Variants in HRH1 observed in about 807,000 individuals in gnomAD.
HRH1 encodes the protein histamine H1 receptor.
In HRH1, 6 loss-of-function variants were observed where a neutral mutation model predicts 10.3. That is an observed-to-expected ratio of 0.58 (90% confidence interval 0.32 to 1.15). The LOEUF (loss-of-function observed/expected upper bound fraction) is 1.15, where lower values mean the gene tolerates loss of function less well. HRH1 is among the 50% of genes most tolerant of loss of function. The probability of loss-of-function intolerance (pLI) is 0.05; values close to 1 mark genes in which losing one functional copy is unlikely to be tolerated. For synonymous variants in HRH1, 242 were observed against 236.7 expected (o/e 1.02, Z -0.21); for missense variants, 514 against 615.3 (o/e 0.84, Z 1.74).
At chr3:11,155,806 A>G (rs1936775079) in intron 1 of HRH1, among the ~76,000 whole-genome samples, 1 of 152,214 alleles carries the variant, frequency 6.6e-6, no homozygotes. Context: ...GGAGGCAGCC[A>G]GAAACCAGCA....
At chr3:11,244,566 T>C (rs904064688) in intron 1 of HRH1, among the ~76,000 whole-genome samples, 2 of 152,240 alleles carry the variant, frequency 1.3e-5, no homozygotes, top group Non-Finnish European at 2.9e-5. Flanking sequence ...ACCTCATGTA[T>C]GCCAGACACT....
At chr3:11,244,102 A>G (rs941303210) in intron 1 of HRH1, among the ~76,000 whole-genome samples, 3 of 152,120 alleles carry the variant, frequency 2.0e-5, no homozygotes, top group African/African-American at 7.2e-5. Context: ...ATCATCAGGG[A>G]CCTCAAGTCT....
At chr3:11,232,749 A>T (rs1229455689) in intron 1 of HRH1, among the ~76,000 whole-genome samples, 3 of 152,162 alleles carry the variant, frequency 2.0e-5, no homozygotes, top group Admixed American at 6.5e-5. Context: ...CTCTGTTGAG[A>T]CTTCCGATCC....
chr3:11,251,196 A>G (rs1294877226), intron 1 of HRH1, among the ~76,000 whole-genome samples: 1 of 152,212 alleles, frequency 6.6e-6, no homozygotes, highest in East Asian at 1.9e-4. Context: ...CCACTTGGTC[A>G]GCTAGATTAT....
chr3:11,240,389 G>A (rs751498474), intron 1 of HRH1, among the ~76,000 whole-genome samples: 11 of 152,086 alleles, frequency 7.2e-5, no homozygotes, highest in Admixed American at 2.0e-4. Context: ...AAAACAGGCA[G>A]ATCTGAGTCT....
chr3:11,183,019 C>T (rs1226013918), intron 1 of HRH1, among the ~76,000 whole-genome samples: 1 of 152,182 alleles, frequency 6.6e-6, no homozygotes, highest in African/African-American at 2.4e-5. Context: ...CTAATAACCA[C>T]AGAGCAACCT....
At chr3:11,145,358 TA>T (rs1936414552) in intron 1 of HRH1, among the ~76,000 whole-genome samples, 1 of 152,136 alleles carries the variant, frequency 6.6e-6, no homozygotes, top group Non-Finnish European at 1.5e-5. Context: ...GGAATGCCCT[TA>T]GCCTTCTCTT....
At chr3:11,169,677 T>C (rs1212437071) in intron 1 of HRH1, among the ~76,000 whole-genome samples, 3 of 152,134 alleles carry the variant, frequency 2.0e-5, no homozygotes. Flanking sequence ...CTCTCTGCAC[T>C]CTTCAAGAGG....
intron 1 of HRH1, among the ~76,000 whole-genome samples, chr3:11,188,120 C>G (rs544423069): frequency 6.6e-6 from 1 of 152,116 alleles, no homozygotes; most frequent in African/African-American, 2.4e-5. Flanking sequence ...TTAGGATACA[C>G]GTGAACTATC....
chr3:11,236,193 T>G (rs1305769077), intron 1 of HRH1, among the ~76,000 whole-genome samples: 1 of 152,212 alleles, frequency 6.6e-6, no homozygotes, highest in Non-Finnish European at 1.5e-5. Flanking sequence ...GCCTGTAATC[T>G]CAGCACTTTG....
At chr3:11,231,739 CCTTT>C (rs1939046320) in intron 1 of HRH1, among the ~76,000 whole-genome samples, 1 of 152,120 alleles carries the variant, frequency 6.6e-6, no homozygotes, top group South Asian at 2.1e-4. Context: ...GAATAGTAGT[CCTTT>C]CTTAGATATG....
chr3:11,169,442 C>A (rs1937111640), intron 1 of HRH1, among the ~76,000 whole-genome samples: 1 of 152,112 alleles, frequency 6.6e-6, no homozygotes, highest in Non-Finnish European at 1.5e-5. Context: ...GAGGAAGGAC[C>A]ATCATTCCAT....
At chr3:11,191,472 G>A (rs1299902454) in intron 1 of HRH1, among the ~76,000 whole-genome samples, 1 of 152,240 alleles carries the variant, frequency 6.6e-6, no homozygotes, top group Non-Finnish European at 1.5e-5. Flanking sequence ...GTGGAAGGCT[G>A]AAGATGGGAT....
At chr3:11,243,248 C>T (rs368961837) in intron 1 of HRH1, among the ~76,000 whole-genome samples, 1 of 152,142 alleles carries the variant, frequency 6.6e-6, no homozygotes, top group East Asian at 1.9e-4. Context: ...ATCCAGTAAA[C>T]CTCTGTTGAG....
At chr3:11,238,744 T>G (rs1056932603) in intron 1 of HRH1, among the ~76,000 whole-genome samples, 1 of 152,236 alleles carries the variant, frequency 6.6e-6, no homozygotes, top group African/African-American at 2.4e-5. Flanking sequence ...TCTATAAATT[T>G]GCCAATTCTG....
intron 1 of HRH1, among the ~76,000 whole-genome samples, chr3:11,168,544 G>A (rs577393452): frequency 1.3e-5 from 2 of 152,306 alleles, no homozygotes; most frequent in South Asian, 2.1e-4. Flanking sequence ...TCTCTGATGC[G>A]CTCGCCCCAG....
At chr3:11,150,436 C>T (rs75996778), upstream of HRH1, among the ~76,000 whole-genome samples, 303 of 152,374 alleles carry the variant, frequency 2.0e-3, 1 homozygote, top group African/African-American at 7.0e-3. Context: ...GTGCAGTCCC[C>T]AGAGGAGACG....
At chr3:11,180,233 C>T (rs575359187) in intron 1 of HRH1, among the ~76,000 whole-genome samples, 1 of 152,204 alleles carries the variant, frequency 6.6e-6, no homozygotes, top group South Asian at 2.1e-4. Flanking sequence ...CCAGCCATTA[C>T]ACTCACTCTC....
At chr3:11,152,335 A>T (rs1420377391), upstream of HRH1, among the ~76,000 whole-genome samples, 1 of 152,154 alleles carries the variant, frequency 6.6e-6, no homozygotes, top group East Asian at 1.9e-4. Flanking sequence ...CCCCTCATAC[A>T]GCCTGGGGTA....
Sources: gnomAD v4.1 joint callset for allele counts (sites outside exome capture counted in the v4.1 genomes callset) on GRCh38, gnomAD v4.1.1 for gene constraint, MANE v1.5 for transcripts, NCBI Gene and HGNC (gene_info 2026-07-23, HGNC 2026-07-21) for gene names.